ZNF626: variants seen among roughly 807,000 people sequenced by gnomAD.
ZNF626 encodes CTC-513N18.7.
A neutral mutation model predicts 11.7 loss-of-function variants in ZNF626; 4 were observed. That is an observed-to-expected ratio of 0.34 (90% CI 0.17 to 0.78). ZNF626 has a LOEUF of 0.78. Ranked by LOEUF, ZNF626 falls within the 30% of genes least tolerant of loss-of-function variation. The probability of loss-of-function intolerance (pLI) is 0.57; values close to 1 mark genes in which losing one functional copy is unlikely to be tolerated. For missense variants in ZNF626, 588 were observed against 587.1 expected (o/e 1.00, Z -0.01); for synonymous variants, 179 against 198.6 (o/e 0.90, Z 0.83).
At position 20,625,220 on chromosome 19, in the gene ZNF626, A is replaced by T; in HGVS notation, c.657T>A (p.His219Gln). 6.2e-7 allele frequency: 1 copy of T among 1,613,178 alleles called. No homozygotes were observed. Among genetic ancestry groups the T allele is most frequent in the East Asian group, 2.2e-5 (1 of 44,822 alleles). The change falls in exon 4 of 4, where the codon CAT becomes CAA. Residue 219 changes from histidine to glutamine, a missense_variant. By Grantham distance (24) the His-to-Gln change is conservative. Coordinates refer to ENST00000601440, the MANE Select transcript of ZNF626 (RefSeq NM_001076675.3). The stretch of plus-strand genomic sequence containing the variant: ...GTTTCTCTCCAGTATGAATTTTCTT[A>T]TGTCTAGTAAGGCTACAAGAGTGGT... ...AFNHSCSLTR[H>Q]KKIHTGEKPY...
intron 3 of ZNF626, 105 bp from the exon 4 acceptor site, chr19:20,625,755 G>A: frequency 1.7e-6 from 2 of 1,179,278 alleles, no homozygotes; most frequent in Non-Finnish European, 2.2e-6. Flanking sequence ...TAAGCAAGAT[G>A]ACACAGGAAA....
chr19:20,633,620 G>GT (rs1304488653), intron 3 of ZNF626, among the ~76,000 whole-genome samples: 1 of 152,264 alleles, frequency 6.6e-6, no homozygotes, highest in East Asian at 1.9e-4. Flanking sequence ...CTGGTGTGCC[G>GT]TTTTTTAAGC....
In ZNF626 at chr19:20,624,989, C is replaced by T. The variant is rs782337748; in HGVS notation, c.888G>A (p.Arg296=). The T allele has an allele frequency of 1.2e-6, 2 of 1,610,962 alleles. No individual in the cohort carries two copies. Among genetic ancestry groups the T allele is most frequent in the South Asian group, 1.1e-5 (1 of 90,856 alleles). The part of the protein sequence containing the change: ...KCEECGKAFN[R]SSTLTTHKII... ...TCTTATGTGTAGTAAGGGTTGAGGA[C>T]CGGTTGAAGGCTTTGCCACATTCTT... Residue 296 remains arginine, a synonymous_variant, in exon 4 of 4, where the codon CGG becomes CGA. Coordinates refer to ENST00000601440, the MANE Select transcript of ZNF626 (RefSeq NM_001076675.3).
chr19:20,659,289 G>A (rs1555773449), intron 1 of ZNF626, among the ~76,000 whole-genome samples: 1 of 152,024 alleles, frequency 6.6e-6, no homozygotes, highest in Non-Finnish European at 1.5e-5. Flanking sequence ...ACCCAGGCTG[G>A]AGTGCCTTGG....
At position 20,645,689 on chromosome 19, in the gene ZNF626, G is replaced by T; in HGVS notation, c.221C>A (p.Pro74His). The T allele has an allele frequency of 6.2e-7, 1 of 1,610,442 alleles. No homozygotes were observed. The highest frequency in any genetic ancestry group is 8.5e-7 in the Non-Finnish European group (1 of 1,179,144). ...TMKRNEMIAK[P>H]SVMCSHFAQD... The stretch of plus-strand genomic sequence containing the variant: ...TCATTTTCACTCACACCTACCTGAG[G>T]GTTTGGCTATCATCTCATTTCTCTT... The change falls in exon 3 of 4, where the codon CCC (proline) becomes CAC (histidine). Residue 74 changes from proline (P) to histidine (H), a missense_variant. Coordinates refer to ENST00000601440, the MANE Select transcript of ZNF626 (RefSeq NM_001076675.3).
rs1991528 is a variant in ZNF626, at chr19:20,625,343, A to G, written c.534T>C (p.Cys178=). Residue 178 remains cysteine (C), a synonymous_variant, in exon 4 of 4, where the codon TGT becomes TGC. Transcript: ENST00000601440. ...TGKKPFKYIE[C]GKAFKQFSTL... The stretch of plus-strand genomic sequence containing the variant: ...TTGAGAACTGCTTAAAAGCTTTGCC[A>G]CATTCTATATATTTGAAAGGTTTTT... 0.86 allele frequency: 1,384,252 copies of G among 1,613,692 alleles called. 596,885 individuals are homozygous for G. Among genetic ancestry groups the G allele is most frequent in the Non-Finnish European group, 0.88 (1,036,552 of 1,179,888 alleles).
At chr19:20,645,816 A>G (rs1434518786) in intron 2 of ZNF626, 37 bp from the exon 3 acceptor site, 6 of 1,522,160 alleles carry the variant, frequency 3.9e-6, no homozygotes, top group African/African-American at 1.4e-5. Context: ...AATCTTGCTT[A>G]TGTTCTCCAA....
chr19:20,637,628 T>A (rs1039646399), intron 3 of ZNF626, among the ~76,000 whole-genome samples: 13 of 152,064 alleles, frequency 8.5e-5, no homozygotes, highest in Non-Finnish European at 1.6e-4. Flanking sequence ...TGTTTTAACT[T>A]TAAGATGTAT....
chr19:20,649,639 T>A (rs1256917407), intron 1 of ZNF626, among the ~76,000 whole-genome samples: 1 of 152,166 alleles, frequency 6.6e-6, no homozygotes, highest in East Asian at 1.9e-4. Context: ...AAATTGGCCA[T>A]GTGATTCTAA....
rs782784319 is a variant in ZNF626, at chr19:20,645,717, T to C, written c.193A>G (p.Met65Val). ...TTGGCTATCATCTCATTTCTCTTCA[T>C]GGTCAAAGGTTTTCTTCCTTGCTCC... Reference protein sequence around the residue: ...CLEQGRKPLTMKRNEMIAKPS... With the variant: ...CLEQGRKPLTVKRNEMIAKPS... The change falls in exon 3 of 4, where the codon ATG becomes GTG. Residue 65 changes from methionine (M) to valine (V), a missense_variant. Met to Val is a conservative substitution (Grantham distance 21). Coordinates refer to ENST00000601440, the MANE Select transcript of ZNF626 (RefSeq NM_001076675.3). The C allele has an allele frequency of 2.5e-6, 4 of 1,612,062 alleles. No homozygotes were observed. The highest frequency in any genetic ancestry group is 3.4e-5 in the Admixed American group (2 of 59,206).
At chr19:20,656,737 CAAT>C (rs1970209612) in intron 1 of ZNF626, among the ~76,000 whole-genome samples, 1 of 148,860 alleles carries the variant, frequency 6.7e-6, no homozygotes, top group Non-Finnish European at 1.5e-5. Flanking sequence ...AGAAAAACCA[CAAT>C]GAGATACCAC....
In ZNF626 at chr19:20,623,964, T is replaced by TCA. The variant is rs34554673; in HGVS notation, c.*325_*326insTG. On this transcript the variant is annotated 3_prime_UTR_variant, in exon 4 of 4. Transcript: ENST00000601440. ...TAGAGTTTATATTTCATATCAATTC[T>TCA]TAGTTAGAAATTGAGGGCTGGTTAA... 392,594 of 473,464 alleles carry TCA rather than the reference T, an allele frequency of 0.83. 165,169 individuals carry two copies. The highest frequency in any genetic ancestry group is 0.87 in the Admixed American group (26,129 of 29,976). 29.3% of individuals were successfully genotyped at this position (473,464 alleles called of 1,614,324 possible).
In ZNF626 at chr19:20,625,550, G is replaced by A; in HGVS notation, c.327C>T (p.Asp109=). The change falls in exon 4 of 4, where the codon GAC becomes GAT. Residue 109 remains aspartate (D), a synonymous_variant. Transcript: ENST00000601440. The part of the protein sequence containing the change: ...VLRRYEKCEH[D]NLQLKKGCIS... ...TACATCCTTTTTTTAACTGTAAATT[G>A]TCATGTTCACATTTTTCATATCTTC... is the stretch of plus-strand genomic sequence containing the variant. 1 of 1,612,906 alleles carries A rather than the reference G, an allele frequency of 6.2e-7. No individual in the cohort carries two copies. Among genetic ancestry groups the A allele is most frequent in the Admixed American group, 1.7e-5 (1 of 59,854 alleles).
At position 20,620,134 on chromosome 19, in the gene ZNF626, G is replaced by T. The variant is rs1269984747; in HGVS notation, c.*4156C>A. The T allele has an allele frequency of 6.6e-6, 1 of 152,092 alleles. No homozygotes were observed. Among genetic ancestry groups the T allele is most frequent in the Non-Finnish European group, 1.5e-5 (1 of 68,024 alleles). 9.4% of individuals were successfully genotyped at this position (152,092 alleles called of 1,614,324 possible). A position where few individuals can be genotyped will look rare whatever the true frequency, so the allele number is the denominator to read the frequency against. ...AAATAATTTTTTGAGTGTGTTTGAA[G>T]AGGGCTTTTATTGTTGTACTCAAGA... On this transcript the variant is annotated 3_prime_UTR_variant, in exon 4 of 4. Transcript: ENST00000601440.
intron 1 of ZNF626, among the ~76,000 whole-genome samples, chr19:20,654,306 G>C (rs1161407730): frequency 7.2e-5 from 11 of 152,054 alleles, no homozygotes; most frequent in African/African-American, 2.4e-4. Context: ...AGCCGGACCT[G>C]GTGGCTCACA....
intron 1 of ZNF626, among the ~76,000 whole-genome samples, chr19:20,659,195 C>A (rs1335822419): frequency 6.6e-6 from 1 of 152,124 alleles, no homozygotes; most frequent in Non-Finnish European, 1.5e-5. Context: ...ACATTTTCTC[C>A]TTTTTCTCAT....
rs146511871 is a variant in ZNF626, at chr19:20,629,925, T to C, written c.227-4275A>G. Reference sequence around the variant, plus strand: ...ATATTGGCTGTGGGTTTGTCATAGATAGCTCTTATTATTTTGAGATAAGAC... The same window carrying C: ...ATATTGGCTGTGGGTTTGTCATAGACAGCTCTTATTATTTTGAGATAAGAC... On this transcript the variant is annotated intron_variant, in intron 3 of 3. Coordinates refer to ENST00000601440, the MANE Select transcript of ZNF626 (RefSeq NM_001076675.3). Among the ~76,000 whole-genome samples, 84 of 152,338 alleles carry C rather than the reference T, an allele frequency of 5.5e-4. 2 individuals carry two copies. Among genetic ancestry groups the C allele is most frequent in the African/African-American group, 2.0e-3 (82 of 41,576 alleles).
At chr19:20,660,965 C>A (rs1555773617) in intron 1 of ZNF626, among the ~76,000 whole-genome samples, 2 of 151,984 alleles carry the variant, frequency 1.3e-5, no homozygotes, top group Non-Finnish European at 2.9e-5. Flanking sequence ...TGTCCTAACA[C>A]CTCTTTACCT....
chr19:20,652,925 C>T (rs1053935015), intron 1 of ZNF626, among the ~76,000 whole-genome samples: 1 of 152,024 alleles, frequency 6.6e-6, no homozygotes, highest in African/African-American at 2.4e-5. Context: ...GTTTGTTGGC[C>T]CCATGGTCTC....
Sources: allele counts gnomAD v4.1 joint callset (sites outside exome capture counted in the v4.1 genomes callset), GRCh38; gene constraint gnomAD v4.1.1; transcripts MANE v1.5; gene names NCBI Gene and HGNC (gene_info 2026-07-23, HGNC 2026-07-21).